Variants in BMERB1 observed in about 807,000 individuals in gnomAD.
The protein encoded by BMERB1 is bMERB domain-containing protein 1.
A neutral mutation model predicts 23.6 loss-of-function variants in BMERB1; 12 were observed. That is an observed-to-expected ratio of 0.51 (90% CI 0.33 to 0.82). BMERB1 has a LOEUF of 0.82. Ranked by LOEUF, BMERB1 falls within the 40% of genes least tolerant of loss-of-function variation. The probability of loss-of-function intolerance (pLI) is 0.03; values close to 1 mark genes in which losing one functional copy is unlikely to be tolerated. For missense variants in BMERB1, 247 were observed against 255.4 expected, an observed-to-expected ratio of 0.97 and a Z score of 0.22; for synonymous variants, 122 against 96.6, an observed-to-expected ratio of 1.26 and a Z score of -1.54.
rs116688292 is a variant in BMERB1 at position 15,559,054 on chromosome 16, A to G, written c.231-8929A>G. The stretch of plus-strand genomic sequence containing the variant: ...ATATAGCTAAAAGTCAAGCAGCCAA[A>G]TGATATTTAACTAAACCCTCCACTG... On this transcript the variant is annotated intron_variant, in intron 2 of 5. Coordinates refer to ENST00000300006, the MANE Select transcript of BMERB1 (RefSeq NM_033201.3). 3.2e-3 allele frequency among the ~76,000 whole-genome samples: 492 copies of G among 152,170 alleles called. 1 individual carries two copies. Among genetic ancestry groups the G allele is most frequent in the African/African-American group, 0.011 (476 of 41,542 alleles).
chr16:15,517,201 C>T (rs1328409816), intron 2 of BMERB1, among the ~76,000 whole-genome samples: 3 of 152,142 alleles, frequency 2.0e-5, no homozygotes. Context: ...TCCTTTCCTC[C>T]CTGTGTTTTA....
chr16:15,528,148 A>T (rs1315326110), intron 2 of BMERB1, among the ~76,000 whole-genome samples: 2 of 152,152 alleles, frequency 1.3e-5, no homozygotes, highest in Non-Finnish European at 1.5e-5. Flanking sequence ...TAGAAATTTA[A>T]TTCTCACAGT....
At chr16:15,477,102 A>G (rs1379902826) in intron 1 of BMERB1, among the ~76,000 whole-genome samples, 2 of 152,186 alleles carry the variant, frequency 1.3e-5, no homozygotes, top group Admixed American at 6.5e-5. Context: ...TCATGCTGCT[A>G]TGAAGAAATA....
intron 2 of BMERB1, among the ~76,000 whole-genome samples, chr16:15,526,517 A>G (rs1190581775): frequency 6.6e-6 from 1 of 152,028 alleles, no homozygotes; most frequent in African/African-American, 2.4e-5. Flanking sequence ...TACAAAAATT[A>G]GCTGGGTGTG....
chr16:15,435,703 G>A (rs565900592), intron 1 of BMERB1, among the ~76,000 whole-genome samples: 27 of 152,312 alleles, frequency 1.8e-4, no homozygotes, highest in Non-Finnish European at 5.9e-5. Context: ...AGCGATGTAG[G>A]GCTAAAGTAT....
At chr16:15,481,459 G>C (rs900827053) in intron 1 of BMERB1, among the ~76,000 whole-genome samples, 1 of 151,936 alleles carries the variant, frequency 6.6e-6, no homozygotes, top group Non-Finnish European at 1.5e-5. Context: ...CCCGGGAGGC[G>C]GAGCTTGCAG....
At chr16:15,527,205 ACT>A (rs1429336330) in intron 2 of BMERB1, among the ~76,000 whole-genome samples, 2 of 151,594 alleles carry the variant, frequency 1.3e-5, no homozygotes, top group Admixed American at 6.6e-5. Flanking sequence ...CCAAACTGAA[ACT>A]CTGTACCATT....
intron 1 of BMERB1, among the ~76,000 whole-genome samples, chr16:15,512,878 C>CA (rs34739697): frequency 0.025 from 3,332 of 130,726 alleles, 116 homozygotes; most frequent in African/African-American, 0.085. Flanking sequence ...TACTCCGTCT[C>CA]AAAAAAAAAA....
chr16:15,558,757 A>G (rs926105583), intron 2 of BMERB1, among the ~76,000 whole-genome samples: 1 of 151,030 alleles, frequency 6.6e-6, no homozygotes, highest in African/African-American at 2.4e-5. Context: ...TTTTAGCTAT[A>G]TAAGTTTTAA....
intron 5 of BMERB1, among the ~76,000 whole-genome samples, chr16:15,585,362 T>C (rs1444050417): frequency 6.6e-6 from 1 of 152,128 alleles, no homozygotes; most frequent in East Asian, 1.9e-4. Context: ...ACACTACTCA[T>C]CTGGTACTGG....
At chr16:15,541,306 TCCAC>T (rs960949865) in intron 2 of BMERB1, among the ~76,000 whole-genome samples, 1 of 152,024 alleles carries the variant, frequency 6.6e-6, no homozygotes, top group Non-Finnish European at 1.5e-5. Flanking sequence ...CACCAGTGTG[TCCAC>T]CAACCTAGAG....
At chr16:15,534,854 C>T (rs1337608132) in intron 2 of BMERB1, among the ~76,000 whole-genome samples, 3 of 152,172 alleles carry the variant, frequency 2.0e-5, no homozygotes, top group Non-Finnish European at 4.4e-5. Context: ...CCAATTTATG[C>T]TGAGCTCTTG....
intron 2 of BMERB1, chr16:15,532,961 T>G (rs1474391625): frequency 2.2e-6 from 1 of 454,512 alleles, no homozygotes. Flanking sequence ...ACACCTAGAT[T>G]TACATTCTAC....
At chr16:15,468,462 A>G (rs182818397) in intron 1 of BMERB1, among the ~76,000 whole-genome samples, 15 of 152,050 alleles carry the variant, frequency 9.9e-5, no homozygotes, top group Non-Finnish European at 1.3e-4. Flanking sequence ...AAATGTTTCA[A>G]TCAGACTTAA....
In BMERB1 at chr16:15,434,772, GCGGGGGGCGGGGGGC is replaced by G. The variant is rs771519722; in HGVS notation, c.106+19_106+33del. On this transcript the variant is annotated intron_variant, in intron 1 of 5. Coordinates refer to ENST00000300006, the MANE Select transcript of BMERB1 (RefSeq NM_033201.3). ...AGACTGGGGAGAAGTGAGTACTGGG[GCGGGGGGCGGGGGGC>G]CGGGGACAGCTGGGGATCCATGCGC... is the stretch of plus-strand genomic sequence containing the variant. The G allele has an allele frequency of 3.6e-5, 16 of 440,544 alleles. No individual in the cohort carries two copies. The highest frequency in any genetic ancestry group is 6.7e-5 in the Non-Finnish European group (15 of 224,072). 27.3% of individuals were successfully genotyped at this position (440,544 alleles called of 1,614,324 possible). A position where few individuals can be genotyped will look rare whatever the true frequency, so the allele number is the denominator to read the frequency against.
At chr16:15,584,170 G>C (rs2031084165) in intron 5 of BMERB1, 3 of 620,626 alleles carry the variant, frequency 4.8e-6, no homozygotes, top group African/African-American at 1.8e-5. Flanking sequence ...AAGTGATGAT[G>C]GATCCTGCTG....
intron 2 of BMERB1, among the ~76,000 whole-genome samples, chr16:15,527,531 G>A (rs1441267192): frequency 2.0e-5 from 3 of 152,072 alleles, no homozygotes; most frequent in Non-Finnish European, 4.4e-5. Context: ...CTTGATACCT[G>A]GAGGCAGAGG....
At chr16:15,499,126 G>T (rs531266581) in intron 1 of BMERB1, among the ~76,000 whole-genome samples, 2 of 152,294 alleles carry the variant, frequency 1.3e-5, no homozygotes, top group African/African-American at 2.4e-5. Flanking sequence ...GGCTATCTTA[G>T]TTTCTCCTCT....
At position 15,538,125 on chromosome 16, in the gene BMERB1, G is replaced by A. The variant is rs191673003; in HGVS notation, c.230+22697G>A. 4.0e-4 allele frequency among the ~76,000 whole-genome samples: 61 copies of A among 152,266 alleles called. 1 individual carries two copies. Among genetic ancestry groups the A allele is most frequent in the Admixed American group, 3.0e-3 (46 of 15,278 alleles). ...TTGAGTCGATAGGAGGCTTCCCCAC[G>A]TGGAGTTTGGTGAGCTATACCAGGT... On this transcript the variant is annotated intron_variant, in intron 2 of 5. Coordinates refer to ENST00000300006, the MANE Select transcript of BMERB1 (RefSeq NM_033201.3).
Sources: allele counts gnomAD v4.1 joint callset (sites outside exome capture counted in the v4.1 genomes callset), GRCh38; gene constraint gnomAD v4.1.1; transcripts MANE v1.5; gene names NCBI Gene and HGNC (gene_info 2026-07-23, HGNC 2026-07-21).